TTC7A: variants seen among roughly 807,000 people sequenced by gnomAD.
TTC7A encodes tetratricopeptide repeat protein 7A.
Under a neutral mutation model 103.7 loss-of-function variants are expected in TTC7A, and 110 were observed. The observed-to-expected ratio is 1.06, with a 90% CI of 0.91 to 1.24. The LOEUF is 1.24. Among genes scored for constraint, TTC7A ranks in the 50% most tolerant of loss-of-function variants. The pLI is 0.00. For missense variants in TTC7A, 1,340 were observed against 1,116.3 expected, an observed-to-expected ratio of 1.20 and a Z score of -2.86; for synonymous variants, 521 against 467.9, an observed-to-expected ratio of 1.11 and a Z score of -1.47.
At chr2:47,025,495 G>C (rs1031336779) in intron 14 of TTC7A, among the ~76,000 whole-genome samples, 1 of 152,168 alleles carries the variant, frequency 6.6e-6, no homozygotes, top group Non-Finnish European at 1.5e-5. Context: ...GCCAGGCTCT[G>C]CCCTGCGTCA....
At chr2:47,029,980 G>A (rs549183924) in intron 15 of TTC7A, among the ~76,000 whole-genome samples, 12 of 152,358 alleles carry the variant, frequency 7.9e-5, no homozygotes, top group African/African-American at 2.4e-4. Flanking sequence ...GAACAAGGCC[G>A]TGCTGGGCCA....
intron 2 of TTC7A, among the ~76,000 whole-genome samples, chr2:46,932,243 C>T (rs972810573): frequency 1.3e-5 from 2 of 151,676 alleles, no homozygotes; most frequent in African/African-American, 2.4e-5. Flanking sequence ...TCTTCCTCCT[C>T]GGTTCAAGCA....
intron 3 of TTC7A, among the ~76,000 whole-genome samples, chr2:46,972,034 C>G (rs1263653547): frequency 6.6e-6 from 1 of 151,974 alleles, no homozygotes; most frequent in African/African-American, 2.4e-5. Flanking sequence ...TATTTAATGG[C>G]ACTCATACAC....
At chr2:46,975,505 C>T (rs578034810) in intron 4 of TTC7A, among the ~76,000 whole-genome samples, 1 of 151,714 alleles carries the variant, frequency 6.6e-6, no homozygotes, top group East Asian at 2.0e-4. Context: ...ACTCCTTCTC[C>T]GAGCCTTTCA....
At chr2:47,019,665 C>T (rs1345645707) in intron 11 of TTC7A, among the ~76,000 whole-genome samples, 1 of 152,110 alleles carries the variant, frequency 6.6e-6, no homozygotes, top group Non-Finnish European at 1.5e-5. Context: ...AGAACAGATA[C>T]TTTGCCAGTA....
chr2:47,054,088 G>GA, intron 18 of TTC7A: 1 of 984,070 alleles, frequency 1.0e-6, no homozygotes, highest in Non-Finnish European at 1.2e-6. Context: ...CATTGTCTTA[G>GA]ATATTCACTC....
At chr2:46,922,269 C>G (rs970322097) in intron 2 of TTC7A, among the ~76,000 whole-genome samples, 1 of 152,144 alleles carries the variant, frequency 6.6e-6, no homozygotes, top group African/African-American at 2.4e-5. Flanking sequence ...AATTTCTCAG[C>G]ACTTACTCAT....
At chr2:46,973,190 G>C (rs1369577712) in intron 3 of TTC7A, among the ~76,000 whole-genome samples, 1 of 152,206 alleles carries the variant, frequency 6.6e-6, no homozygotes, top group African/African-American at 2.4e-5. Flanking sequence ...GCAGAATGGA[G>C]CCCCTGAAAT....
rs1668838039 is a variant in TTC7A, at chr2:46,917,030, A to T, written c.-12-154A>T. ...CTGGGTCCGGACAGGAAAGACAAAG[A>T]AAGTGGCTAAGTAGTTAGATGCCTT... On this transcript the variant is annotated intron_variant, in intron 1 of 20. Coordinates refer to the TTC7A transcript ENST00000409245. Among the ~76,000 whole-genome samples the T allele has an allele frequency of 2.0e-5, 3 of 152,304 alleles. No homozygotes were observed. In the South Asian group the frequency reaches 6.2e-4, roughly 32 times the overall value.
intron 3 of TTC7A, among the ~76,000 whole-genome samples, chr2:46,971,649 T>A (rs2104193079): frequency 6.6e-6 from 1 of 150,674 alleles, no homozygotes; most frequent in South Asian, 2.1e-4. Context: ...AAACCTGAAA[T>A]AAGGTAATAG....
intron 11 of TTC7A, among the ~76,000 whole-genome samples, chr2:47,018,050 G>A (rs1474574824): frequency 6.6e-6 from 1 of 152,136 alleles, no homozygotes; most frequent in African/African-American, 2.4e-5. Flanking sequence ...GCCAAAGCAG[G>A]TGGATCACTT....
At chr2:47,057,257 C>A (rs1257790070) in intron 18 of TTC7A, among the ~76,000 whole-genome samples, 1 of 152,210 alleles carries the variant, frequency 6.6e-6, no homozygotes. Flanking sequence ...TGCCAGGCTG[C>A]CAGAAGCCTT....
chr2:47,052,340 C>A (rs1167260372), intron 18 of TTC7A, among the ~76,000 whole-genome samples: 3 of 152,176 alleles, frequency 2.0e-5, no homozygotes, highest in Non-Finnish European at 4.4e-5. Context: ...TGAAGGCCAG[C>A]CAGTGTTGGG....
intron 2 of TTC7A, among the ~76,000 whole-genome samples, chr2:46,922,649 G>T (rs1299323076): frequency 2.6e-5 from 4 of 152,062 alleles, no homozygotes; most frequent in African/African-American, 7.2e-5. Flanking sequence ...CCCTGAAGGT[G>T]TGAGAGGTAG....
chr2:46,999,311 A>G (rs558369875), intron 8 of TTC7A: 46 of 165,294 alleles, frequency 2.8e-4, no homozygotes, highest in Middle Eastern at 6.3e-3. Context: ...TCCTCCATCC[A>G]TCTACCCACC....
At chr2:46,927,177 T>G (rs1264359054) in intron 2 of TTC7A, among the ~76,000 whole-genome samples, 1 of 151,924 alleles carries the variant, frequency 6.6e-6, no homozygotes, top group Non-Finnish European at 1.5e-5. Flanking sequence ...GCAAAGACAG[T>G]ATTTGAAGAG....
chr2:46,979,007 T>C (rs1398954371), intron 5 of TTC7A, 100 bp downstream of exon 5: 1 of 749,586 alleles, frequency 1.3e-6, no homozygotes, highest in Non-Finnish European at 2.3e-6. Context: ...GGCCTGTGCA[T>C]ACGTGCTCTT....
intron 1 of TTC7A, among the ~76,000 whole-genome samples, chr2:46,944,028 G>A (rs1025760413): frequency 1.3e-5 from 2 of 152,056 alleles, no homozygotes; most frequent in African/African-American, 4.8e-5. Context: ...CCTGTCTAAG[G>A]TTGCTCCTCA....
chr2:47,033,586 T>C (rs1038138320), intron 15 of TTC7A, among the ~76,000 whole-genome samples: 9 of 152,236 alleles, frequency 5.9e-5, no homozygotes, highest in African/African-American at 2.2e-4. Flanking sequence ...CCTTGAGTCA[T>C]GTCTGTCACT....
Sources: allele counts gnomAD v4.1 joint callset (sites outside exome capture counted in the v4.1 genomes callset), GRCh38; gene constraint gnomAD v4.1.1; transcripts MANE v1.5; gene names NCBI Gene and HGNC (gene_info 2026-07-23, HGNC 2026-07-21).